ULK4: variants seen among roughly 807,000 people sequenced by gnomAD.
ULK4 encodes the protein inactive serine/threonine-protein kinase ULK4.
ULK4 carries 133 observed loss-of-function variants against 160.6 expected under a neutral mutation model. That is an observed-to-expected ratio of 0.83 (90% CI 0.72 to 0.96). The LOEUF (loss-of-function observed/expected upper bound fraction) is 0.96. Ranked by LOEUF, ULK4 falls within the 40% of genes least tolerant of loss-of-function variation. ULK4 has a pLI of 0.00. For synonymous variants in ULK4, 534 were observed against 539.8 expected, an observed-to-expected ratio of 0.99 and a Z score of 0.15; for missense variants, 1,580 against 1,499.5, an observed-to-expected ratio of 1.05 and a Z score of -0.89.
At chr3:41,841,204 C>CACCTGGGAAGTGAGAAGCACCTCT (rs2041914363) in intron 17 of ULK4, among the ~76,000 whole-genome samples, 1 of 147,048 alleles carries the variant, frequency 6.8e-6, no homozygotes, top group Non-Finnish European at 1.5e-5. Context: ...CCGGCCGCCC[C>CACCTGGGAAGTGAGAAGCACCTCT]GCCTGGGAGG....
chr3:41,470,592 T>C (rs1163065031), intron 32 of ULK4, among the ~76,000 whole-genome samples: 1 of 152,102 alleles, frequency 6.6e-6, no homozygotes, highest in African/African-American at 2.4e-5. Flanking sequence ...TTGCGGCATG[T>C]AAAGTGGTTT....
At chr3:41,936,134 A>G (rs1324527068) in intron 3 of ULK4, among the ~76,000 whole-genome samples, 194 bp from the exon 4 acceptor site, 1 of 152,236 alleles carries the variant, frequency 6.6e-6, no homozygotes, top group Admixed American at 6.5e-5. Flanking sequence ...CCCAAGCACC[A>G]GAGACAGATT....
chr3:41,792,595 G>A (rs999444609), intron 20 of ULK4, among the ~76,000 whole-genome samples: 1 of 152,116 alleles, frequency 6.6e-6, no homozygotes, highest in Admixed American at 6.6e-5. Flanking sequence ...TTATGATGGG[G>A]AAATTTCTTA....
intron 27 of ULK4, among the ~76,000 whole-genome samples, chr3:41,694,011 A>G (rs2036401341): frequency 6.6e-6 from 1 of 152,220 alleles, no homozygotes; most frequent in African/African-American, 2.4e-5. Context: ...GGGAAGGCAA[A>G]GAATTCTGCA....
At chr3:41,267,779 C>T (rs2079069388) in intron 35 of ULK4, among the ~76,000 whole-genome samples, 1 of 152,192 alleles carries the variant, frequency 6.6e-6, no homozygotes, top group Admixed American at 6.5e-5. Context: ...CTCTCGTTTA[C>T]AGATGAGGAA....
At chr3:41,452,879 A>AGC (rs2083452885) in intron 34 of ULK4, among the ~76,000 whole-genome samples, 1 of 152,270 alleles carries the variant, frequency 6.6e-6, no homozygotes, top group East Asian at 1.9e-4. Context: ...TTTGAATCAA[A>AGC]ACATTGTATT....
intron 21 of ULK4, among the ~76,000 whole-genome samples, chr3:41,768,081 C>A (rs564478824): frequency 4.6e-5 from 7 of 152,208 alleles, no homozygotes; most frequent in African/African-American, 1.7e-4. Flanking sequence ...CTATTGTGAA[C>A]TGCACATACG....
chr3:41,919,656 T>C, intron 6 of ULK4, 61 bp downstream of exon 6: 1 of 1,394,636 alleles, frequency 7.2e-7, no homozygotes, highest in Non-Finnish European at 1.0e-6. Flanking sequence ...ATCTGCAAAG[T>C]ACAGACTTAA....
At chr3:41,594,374 T>C (rs1353320814) in intron 31 of ULK4, among the ~76,000 whole-genome samples, 1 of 151,918 alleles carries the variant, frequency 6.6e-6, no homozygotes, top group African/African-American at 2.4e-5. Context: ...TCCATCTCTA[T>C]GAAAACATTT....
intron 35 of ULK4, among the ~76,000 whole-genome samples, chr3:41,361,262 G>A (rs891869650): frequency 1.3e-5 from 2 of 152,154 alleles, no homozygotes; most frequent in African/African-American, 2.4e-5. Flanking sequence ...GTCATCAGCT[G>A]AGAGAGAAGA....
At chr3:41,815,934 C>T (rs971859159) in intron 19 of ULK4, among the ~76,000 whole-genome samples, 4 of 152,002 alleles carry the variant, frequency 2.6e-5, no homozygotes, top group African/African-American at 9.7e-5. Flanking sequence ...ATACAAAAAG[C>T]ACAAATCATA....
At chr3:41,725,547 T>C (rs1358538026) in intron 22 of ULK4, among the ~76,000 whole-genome samples, 5 of 152,204 alleles carry the variant, frequency 3.3e-5, no homozygotes, top group Non-Finnish European at 5.9e-5. Flanking sequence ...AGTTCTAGAA[T>C]ATCCATTTGG....
In ULK4 at chr3:41,918,544, A is replaced by G; in HGVS notation, c.644-4T>C. The stretch of plus-strand genomic sequence containing the variant: ...TCTGAGAAGAATGGAGGTTTTCCTG[A>G]AATCACATGAAAACTTGCAAAATGA... On this transcript the variant is annotated splice_region_variant and splice_polypyrimidine_tract_variant and intron_variant, in intron 6 of 36. Coordinates refer to ENST00000301831, the MANE Select transcript of ULK4 (RefSeq NM_017886.4). 2 of 1,517,870 alleles carry G rather than the reference A, an allele frequency of 1.3e-6. No homozygotes were observed. The highest frequency in any genetic ancestry group is 1.3e-5 in the South Asian group (1 of 77,452). 94.0% of individuals were successfully genotyped at this position (1,517,870 alleles called of 1,614,324 possible).
At chr3:41,601,625 G>A (rs1203952888) in intron 31 of ULK4, among the ~76,000 whole-genome samples, 1 of 152,078 alleles carries the variant, frequency 6.6e-6, no homozygotes, top group Admixed American at 6.5e-5. Flanking sequence ...TCCTTGATAT[G>A]ATGTGGTAAG....
At chr3:41,247,056 T>A in intron 36 of ULK4, 64 bp from the exon 37 acceptor site, 1 of 1,514,328 alleles carries the variant, frequency 6.6e-7, no homozygotes, top group African/African-American at 1.4e-5. Context: ...CTCCCCCCTT[T>A]CAAAGGGGCC....
intron 27 of ULK4, among the ~76,000 whole-genome samples, chr3:41,684,472 C>T (rs1365604836): frequency 2.0e-5 from 3 of 152,150 alleles, no homozygotes; most frequent in Non-Finnish European, 4.4e-5. Flanking sequence ...TGGTGGGGTA[C>T]CCTCTCTTGC....
At chr3:41,874,181 T>C (rs1697217573) in intron 17 of ULK4, among the ~76,000 whole-genome samples, 1 of 152,104 alleles carries the variant, frequency 6.6e-6, no homozygotes, top group South Asian at 2.1e-4. Flanking sequence ...GTTCTAGTAA[T>C]GAAAAGCAAT....
chr3:41,340,931 C>G lies in ULK4; in HGVS notation c.3678+57148G>C, dbSNP rs138438511. ...GGTGGACACACAGGGGACAAAGGAG[C>G]AAGTTTCTCCTCCTGAAGTGTCCAG... On this transcript the variant is annotated intron_variant, in intron 35 of 36. Coordinates refer to ENST00000301831, the MANE Select transcript of ULK4 (RefSeq NM_017886.4). Among the ~76,000 whole-genome samples, 212 of 152,310 alleles carry G rather than the reference C, an allele frequency of 1.4e-3. 1 individual carries two copies. The highest frequency in any genetic ancestry group is 3.4e-3 in the Middle Eastern group (1 of 294).
intron 35 of ULK4, among the ~76,000 whole-genome samples, chr3:41,300,665 C>T (rs145627238): frequency 4.8e-4 from 72 of 151,432 alleles, no homozygotes; most frequent in African/African-American, 1.7e-3. Flanking sequence ...TACAGCACCC[C>T]CAGATGGTTG....
Sources: allele counts gnomAD v4.1 joint callset (sites outside exome capture counted in the v4.1 genomes callset), GRCh38; gene constraint gnomAD v4.1.1; transcripts MANE v1.5; gene names NCBI Gene and HGNC (gene_info 2026-07-23, HGNC 2026-07-21).